UNC79: variants seen among roughly 807,000 people sequenced by gnomAD.
UNC79 encodes unc-79 subunit of NALCN channel complex.
In UNC79, 37 loss-of-function variants were observed where a neutral mutation model predicts 283.1. The ratio of observed to expected loss-of-function variants is 0.13; its 90% confidence interval spans 0.10 to 0.17. The LOEUF (loss-of-function observed/expected upper bound fraction) is 0.17, where lower values mean the gene tolerates loss of function less well. Ranked by LOEUF, UNC79 falls within the 10% of genes least tolerant of loss-of-function variation. The pLI, the probability that UNC79 is intolerant of heterozygous loss-of-function variation, is 1.00. For synonymous variants in UNC79, 1,107 were observed against 1,200.2 expected, an observed-to-expected ratio of 0.92 and a Z score of 1.61; for missense variants, 2,272 against 3,211.1, an observed-to-expected ratio of 0.71 and a Z score of 7.07.
intron 1 of UNC79, among the ~76,000 whole-genome samples, chr14:93,357,699 A>ATGGATG (rs1262404828): frequency 2.5e-5 from 3 of 118,128 alleles, no homozygotes; most frequent in African/African-American, 1.2e-4. Context: ...ATATATATAT[A>ATGGATG]TATATATATA....
Position 93,577,992 on chromosome 14 carries a change from G to A in UNC79, c.2362G>A (p.Asp788Asn), listed in dbSNP as rs2063567857. ...TGGACACCCAGGAGGAAGGACTATTGACTTTGATTGTGAAGATGATGAAAT... is the reference window on the plus strand; with the variant it reads ...TGGACACCCAGGAGGAAGGACTATTAACTTTGATTGTGAAGATGATGAAAT... The change falls in exon 18 of 49, where the codon GAC becomes AAC. Residue 788 changes from aspartate (D) to asparagine (N), a missense_variant. Transcript: ENST00000555664. 1 of 1,614,232 alleles carries A rather than the reference G, an allele frequency of 6.2e-7. No individual in the cohort carries two copies.
chr14:93,341,911 C>T (rs889482446), intron 1 of UNC79, among the ~76,000 whole-genome samples: 1 of 152,170 alleles, frequency 6.6e-6, no homozygotes, highest in African/African-American at 2.4e-5. Flanking sequence ...AGGCCTTGGG[C>T]AGCTATTCTT....
chr14:93,649,983 T>A (rs949988186), intron 35 of UNC79, among the ~76,000 whole-genome samples: 3 of 152,200 alleles, frequency 2.0e-5, no homozygotes, highest in African/African-American at 7.2e-5. Context: ...AGCTAATCTC[T>A]ACCCCCATAG....
intron 1 of UNC79, among the ~76,000 whole-genome samples, chr14:93,405,655 C>G (rs2055211260): frequency 6.6e-6 from 1 of 152,040 alleles, no homozygotes. Flanking sequence ...GTTTAGAAAT[C>G]CACAAGAAAA....
At chr14:93,682,192 T>C (rs2073901640) in intron 41 of UNC79, among the ~76,000 whole-genome samples, 1 of 152,200 alleles carries the variant, frequency 6.6e-6, no homozygotes, top group Non-Finnish European at 1.5e-5. Context: ...AAGAAACAGG[T>C]AGAATACTCA....
intron 30 of UNC79, among the ~76,000 whole-genome samples, chr14:93,630,275 A>G (rs1224164284): frequency 2.6e-5 from 4 of 152,234 alleles, no homozygotes; most frequent in African/African-American, 4.8e-5. Flanking sequence ...AAGGTTAAAG[A>G]CAAGGTGCTC....
intron 1 of UNC79, among the ~76,000 whole-genome samples, chr14:93,434,144 C>T (rs1372987821): frequency 6.6e-6 from 1 of 150,844 alleles, no homozygotes; most frequent in Non-Finnish European, 1.5e-5. Flanking sequence ...ACCTGGGAGG[C>T]GGAGATTGCT....
intron 18 of UNC79, 21 bp downstream of exon 18, chr14:93,578,084 C>T (rs749640181): frequency 6.2e-7 from 1 of 1,608,178 alleles, no homozygotes; most frequent in East Asian, 2.2e-5. Context: ...CATGAGCTTC[C>T]TTTAGTTCAG....
chr14:93,410,229 G>A (rs772647637), intron 1 of UNC79, among the ~76,000 whole-genome samples: 1 of 152,226 alleles, frequency 6.6e-6, no homozygotes, highest in Non-Finnish European at 1.5e-5. Context: ...ATACCAGGCT[G>A]AACTCAGCTG....
At chr14:93,603,459 T>C in intron 26 of UNC79, 41 bp downstream of exon 26, 1 of 1,596,412 alleles carries the variant, frequency 6.3e-7, no homozygotes, top group Non-Finnish European at 8.5e-7. Context: ...ATCTGTTTAA[T>C]GTCTTTCTGA....
chr14:93,594,820 G>A (rs2064953320), intron 23 of UNC79, among the ~76,000 whole-genome samples: 1 of 152,132 alleles, frequency 6.6e-6, no homozygotes, highest in Admixed American at 6.5e-5. Context: ...ATGCCACAGT[G>A]TGGCTTCTCA....
chr14:93,540,535 G>A, intron 12 of UNC79, 125 bp from the exon 13 acceptor site: 2 of 1,020,862 alleles, frequency 2.0e-6, no homozygotes, highest in Admixed American at 5.5e-5. Flanking sequence ...CAGTAACACA[G>A]TACTCAATTT....
intron 1 of UNC79, chr14:93,464,585 T>G (rs1268292192): frequency 2.2e-6 from 1 of 456,236 alleles, no homozygotes; most frequent in Non-Finnish European, 4.4e-6. Context: ...ATTCAGTCAA[T>G]AACAGATGGC....
At chr14:93,424,331 G>C (rs967973149) in intron 1 of UNC79, among the ~76,000 whole-genome samples, 1 of 151,880 alleles carries the variant, frequency 6.6e-6, no homozygotes, top group Non-Finnish European at 1.5e-5. Context: ...TAAAAATAGA[G>C]CTTAAGATCC....
At chr14:93,680,632 C>T (rs995312691) in intron 41 of UNC79, among the ~76,000 whole-genome samples, 2 of 152,018 alleles carry the variant, frequency 1.3e-5, no homozygotes, top group Admixed American at 6.6e-5. Flanking sequence ...ACTCTGCTGC[C>T]CAGGCTGGAG....
Position 93,381,003 on chromosome 14 carries a change from C to T in UNC79, c.-351+47480C>T, listed in dbSNP as rs76931904. On this transcript the variant is annotated intron_variant, in intron 1 of 49. Transcript: ENST00000256339. ...TTTAGATAGTCAGTGATAAACAAAA[C>T]GGATGTGTCCCATATGGAATTTTAT... is the stretch of plus-strand genomic sequence containing the variant. Among the ~76,000 whole-genome samples, 413 of 152,174 alleles carry T rather than the reference C, an allele frequency of 2.7e-3. 1 individual carries two copies. Among genetic ancestry groups the T allele is most frequent in the African/African-American group, 9.3e-3 (388 of 41,522 alleles).
intron 46 of UNC79, among the ~76,000 whole-genome samples, chr14:93,693,340 G>C (rs551719294): frequency 6.6e-6 from 1 of 152,298 alleles, no homozygotes; most frequent in Admixed American, 6.5e-5. Flanking sequence ...ACTTAAGCTA[G>C]AGATTAAAAA....
At chr14:93,542,836 A>T in intron 14 of UNC79, 140 bp downstream of exon 14, 1 of 765,120 alleles carries the variant, frequency 1.3e-6, no homozygotes, top group Non-Finnish European at 2.1e-6. Flanking sequence ...AAATGAATTT[A>T]GTAACTGTAT....
chr14:93,684,171 C>G (rs1467959764), intron 42 of UNC79, among the ~76,000 whole-genome samples: 1 of 152,138 alleles, frequency 6.6e-6, no homozygotes, highest in South Asian at 2.1e-4. Context: ...ATAATTGAAG[C>G]CTTGGACCTT....
Sources: gnomAD v4.1 joint callset for allele counts (sites outside exome capture counted in the v4.1 genomes callset) on GRCh38, gnomAD v4.1.1 for gene constraint, MANE v1.5 for transcripts, NCBI Gene and HGNC (gene_info 2026-07-23, HGNC 2026-07-21) for gene names.